The following PCLO variants were observed in gnomAD, a reference collection of about 807,000 sequenced individuals.
PCLO encodes protein piccolo.
In PCLO, 82 loss-of-function variants were observed where a neutral mutation model predicts 427.5. The observed-to-expected ratio is 0.19, with a 90% confidence interval of 0.16 to 0.23. The LOEUF is 0.23. PCLO is among the 10% of genes least tolerant of loss of function. The pLI is 1.00. For synonymous variants in PCLO, 2,357 were observed against 2,155.4 expected, an observed-to-expected ratio of 1.09 and a Z score of -2.59; for missense variants, 6,239 against 6,115.9, an observed-to-expected ratio of 1.02 and a Z score of -0.67.
At chr7:83,010,108 T>C (rs1019336139) in intron 3 of PCLO, among the ~76,000 whole-genome samples, 4 of 152,054 alleles carry the variant, frequency 2.6e-5, no homozygotes, top group Admixed American at 6.6e-5. Context: ...ATTAAAGGGG[T>C]AACTGTCACA....
At chr7:82,798,405 G>A (rs1453954022) in intron 22 of PCLO, among the ~76,000 whole-genome samples, 4 of 152,008 alleles carry the variant, frequency 2.6e-5, no homozygotes, top group African/African-American at 9.7e-5. Flanking sequence ...CGCTAAATTG[G>A]CTGTTTATGT....
intron 3 of PCLO, among the ~76,000 whole-genome samples, chr7:83,071,011 ATT>A (rs71522643): frequency 2.0e-4 from 29 of 147,990 alleles, no homozygotes; most frequent in African/African-American, 5.9e-4. Context: ...TTCTTTTTCT[ATT>A]TTTTTTTTTG....
chr7:83,058,725 G>T (rs71557162), intron 3 of PCLO, among the ~76,000 whole-genome samples: 1 of 151,930 alleles, frequency 6.6e-6, no homozygotes, highest in African/African-American at 2.4e-5. Flanking sequence ...TATATTACAC[G>T]CTCAAGTTCA....
chr7:82,779,474 A>C (rs765835186), intron 22 of PCLO, among the ~76,000 whole-genome samples: 19 of 152,200 alleles, frequency 1.2e-4, no homozygotes, highest in African/African-American at 4.8e-5. Context: ...AAGTGAATCA[A>C]CATGAATTTG....
At chr7:82,846,066 A>G (rs2522837) in intron 12 of PCLO, among the ~76,000 whole-genome samples, 58,961 of 151,826 alleles carry the variant, frequency 0.39, 12,612 homozygotes, top group East Asian at 0.69. Context: ...AAATTTGTAG[A>G]TTATATTTGT....
chr7:82,972,441 T>C (rs1015340993), intron 3 of PCLO, among the ~76,000 whole-genome samples: 1 of 152,016 alleles, frequency 6.6e-6, no homozygotes, highest in Non-Finnish European at 1.5e-5. Flanking sequence ...AAGGATCTTT[T>C]CCAAAGCATA....
intron 10 of PCLO, among the ~76,000 whole-genome samples, chr7:82,871,681 A>C (rs530870487): frequency 4.8e-4 from 73 of 152,144 alleles, no homozygotes; most frequent in Non-Finnish European, 8.8e-4. Context: ...ATCATTACAC[A>C]TTATATGCAT....
At chr7:82,990,048 T>C (rs558892187) in intron 3 of PCLO, among the ~76,000 whole-genome samples, 3 of 152,102 alleles carry the variant, frequency 2.0e-5, no homozygotes, top group South Asian at 2.1e-4. Flanking sequence ...TGTGGGAAAA[T>C]AGTGAAATTA....
chr7:83,110,583 A>G (rs943405145), intron 3 of PCLO, among the ~76,000 whole-genome samples: 1 of 152,100 alleles, frequency 6.6e-6, no homozygotes, highest in Non-Finnish European at 1.5e-5. Flanking sequence ...CCAATTTCAT[A>G]ACTTTGACAT....
intron 3 of PCLO, among the ~76,000 whole-genome samples, chr7:83,039,928 T>C (rs887662973): frequency 6.6e-6 from 1 of 152,148 alleles, no homozygotes; most frequent in Non-Finnish European, 1.5e-5. Flanking sequence ...TTTGTGATGC[T>C]ATTATAAGTA....
At chr7:82,898,591 G>T (rs187652575) in intron 9 of PCLO, among the ~76,000 whole-genome samples, 11 of 151,328 alleles carry the variant, frequency 7.3e-5, no homozygotes, top group Middle Eastern at 3.4e-3. Context: ...CACCATAAAA[G>T]AACAGGTATA....
intron 3 of PCLO, among the ~76,000 whole-genome samples, chr7:83,051,085 C>T (rs919673133): frequency 4.6e-5 from 7 of 152,048 alleles, no homozygotes; most frequent in African/African-American, 1.7e-4. Flanking sequence ...AGAACTTCTA[C>T]AAAACATCAA....
chr7:83,046,213 T>C (rs939434064), intron 3 of PCLO, among the ~76,000 whole-genome samples: 3 of 152,088 alleles, frequency 2.0e-5, no homozygotes, highest in African/African-American at 7.2e-5. Context: ...TCTGAGGCAC[T>C]GAGGGTCAGA....
At chr7:83,023,910 C>CT (rs1342364132) in intron 3 of PCLO, among the ~76,000 whole-genome samples, 1 of 152,126 alleles carries the variant, frequency 6.6e-6, no homozygotes, top group Non-Finnish European at 1.5e-5. Context: ...TTCCTAGAAA[C>CT]TTTATTTTTC....
chr7:83,137,667 G>A (rs986220699), intron 2 of PCLO, among the ~76,000 whole-genome samples: 7 of 151,592 alleles, frequency 4.6e-5, no homozygotes, highest in Admixed American at 1.3e-4. Context: ...TCCTGACCTC[G>A]TGATCTGCCC....
intron 22 of PCLO, among the ~76,000 whole-genome samples, chr7:82,798,888 C>T (rs372000657): frequency 6.6e-6 from 1 of 152,080 alleles, no homozygotes; most frequent in East Asian, 1.9e-4. Flanking sequence ...CCTCAACCCC[C>T]GCCCCTCTGC....
chr7:82,815,093 C>T (rs1015770367), intron 20 of PCLO, among the ~76,000 whole-genome samples: 15 of 92,994 alleles, frequency 1.6e-4, no homozygotes, highest in Non-Finnish European at 2.5e-4. Flanking sequence ...TTTTAATTGT[C>T]TCTAAGCTTC....
intron 3 of PCLO, among the ~76,000 whole-genome samples, chr7:83,131,523 G>A (rs1791572740): frequency 6.6e-6 from 1 of 152,136 alleles, no homozygotes; most frequent in Admixed American, 6.5e-5. Context: ...GGCACCAGCA[G>A]GAAAAATGTC....
chr7:82,776,527 A>G (rs1464855242), intron 22 of PCLO, among the ~76,000 whole-genome samples: 3 of 148,302 alleles, frequency 2.0e-5, no homozygotes, highest in Admixed American at 6.7e-5. Flanking sequence ...GGGGATGGTG[A>G]CTCATGCCTG....
Sources: allele counts gnomAD v4.1 joint callset (sites outside exome capture counted in the v4.1 genomes callset), GRCh38; gene constraint gnomAD v4.1.1; transcripts MANE v1.5; gene names NCBI Gene and HGNC (gene_info 2026-07-23, HGNC 2026-07-21).